Variants in SRGAP3 observed in about 807,000 individuals in gnomAD.
SRGAP3 encodes the protein SLIT-ROBO Rho GTPase-activating protein 3.
Under a neutral mutation model 121.1 loss-of-function variants are expected in SRGAP3, and 39 were observed. The observed-to-expected ratio is 0.32, with a 90% CI of 0.25 to 0.42. SRGAP3 has a LOEUF of 0.42. Ranked by LOEUF, SRGAP3 falls within the 10% of genes least tolerant of loss-of-function variation. The pLI is 1.00. For synonymous variants in SRGAP3, 601 were observed against 570.0 expected, an observed-to-expected ratio of 1.05 and a Z score of -0.77; for missense variants, 1,213 against 1,470.6, an observed-to-expected ratio of 0.82 and a Z score of 2.86.
chr3:9,081,776 G>A (rs1947255080), intron 3 of SRGAP3, among the ~76,000 whole-genome samples: 1 of 152,308 alleles, frequency 6.6e-6, no homozygotes, highest in South Asian at 2.1e-4. Flanking sequence ...GCAGCTTGAA[G>A]AGTCTAGAAT....
At chr3:9,204,565 A>G (rs1234876460) in intron 1 of SRGAP3, among the ~76,000 whole-genome samples, 2 of 152,228 alleles carry the variant, frequency 1.3e-5, no homozygotes, top group African/African-American at 4.8e-5. Context: ...GCTTTCTCCT[A>G]GCTGCAAAAC....
rs781470063 is a variant in SRGAP3 at position 8,990,590 on chromosome 3, C to T, written c.2808G>A (p.Ser936=). The part of the protein sequence containing the change: ...PDKKALSEGH[S]MRSTCGSTRH... ...TGGTGGAACCGCAGGTCGACCTCAT[C>T]GAGTGCCCTTCGGAGAGCGCCTTCT... Residue 936 remains serine, a synonymous_variant, in exon 21 of 22, where the codon TCG becomes TCA. Transcript: ENST00000383836. 18 of 1,600,416 alleles carry T rather than the reference C, an allele frequency of 1.1e-5. No individual in the cohort carries two copies. In the South Asian group the frequency reaches 1.2e-4, roughly 11 times the overall value.
At chr3:9,089,308 G>GGGGGGGGC (rs1560120751) in intron 3 of SRGAP3, among the ~76,000 whole-genome samples, 1 of 40,196 alleles carries the variant, frequency 2.5e-5, no homozygotes, top group African/African-American at 7.3e-5. Flanking sequence ...GGGGGGGGGG[G>GGGGGGGGC]CTGGAGGCTC....
At position 8,984,121 on chromosome 3, in the gene SRGAP3, G is replaced by C. The variant is rs1574842549; in HGVS notation, c.*1398C>G. Reference sequence around the variant, plus strand: ...AGGCAAAGGCCTGGCTGTCACACGTGAAGATCATGCACCCATTTCTATCAC... The same window carrying C: ...AGGCAAAGGCCTGGCTGTCACACGTCAAGATCATGCACCCATTTCTATCAC... On this transcript the variant is annotated 3_prime_UTR_variant, in exon 22 of 22. Transcript: ENST00000383836. The C allele has an allele frequency of 8.6e-6, 2 of 231,770 alleles. No individual in the cohort carries two copies. The highest frequency in any genetic ancestry group is 1.7e-5 in the Non-Finnish European group (2 of 117,184). 14.4% of individuals were successfully genotyped at this position (231,770 alleles called of 1,614,324 possible). A position where few individuals can be genotyped will look rare whatever the true frequency, so the allele number is the denominator to read the frequency against.
At chr3:9,017,444 C>T (rs1943693331) in intron 14 of SRGAP3, among the ~76,000 whole-genome samples, 1 of 152,168 alleles carries the variant, frequency 6.6e-6, no homozygotes, top group South Asian at 2.1e-4. Flanking sequence ...AATAAACCTG[C>T]TACACACAAC....
chr3:9,346,319 A>G (rs1405227209), intron 1 of SRGAP3, among the ~76,000 whole-genome samples: 1 of 152,134 alleles, frequency 6.6e-6, no homozygotes, highest in Non-Finnish European at 1.5e-5. Context: ...ATCATAGCTC[A>G]CTGCACCTTG....
intron 3 of SRGAP3, among the ~76,000 whole-genome samples, chr3:9,281,407 AT>A (rs995027544): frequency 3.3e-5 from 5 of 152,118 alleles, no homozygotes; most frequent in African/African-American, 1.2e-4. Flanking sequence ...GAATCAGGAG[AT>A]AATGTGGACT....
At chr3:9,274,081 T>C (rs1954528495) in intron 3 of SRGAP3, among the ~76,000 whole-genome samples, 1 of 152,188 alleles carries the variant, frequency 6.6e-6, no homozygotes, top group African/African-American at 2.4e-5. Flanking sequence ...TTTACACTTC[T>C]TGAGAGCAGA....
At chr3:9,049,713 T>C (rs941446855) in intron 9 of SRGAP3, among the ~76,000 whole-genome samples, 7 of 151,856 alleles carry the variant, frequency 4.6e-5, no homozygotes, top group Non-Finnish European at 7.4e-5. Flanking sequence ...GAGGAACCAG[T>C]GAGGCCCAGA....
At position 9,342,636 on chromosome 3, in the gene SRGAP3, G is replaced by A. The variant is rs568704596; in HGVS notation, n.215-12040C>T. ...GGGTGGGCCTGATGCCAGTGAAGAGGTAGTAAGAAAAGAAAACACATCAAC... is the reference window on the plus strand; with the variant it reads ...GGGTGGGCCTGATGCCAGTGAAGAGATAGTAAGAAAAGAAAACACATCAAC... On this transcript the variant is annotated intron_variant and non_coding_transcript_variant, in intron 1 of 3. Coordinates refer to the SRGAP3 transcript ENST00000490889. 2.0e-5 allele frequency among the ~76,000 whole-genome samples: 3 copies of A among 152,346 alleles called. No homozygotes were observed. In the East Asian group the frequency reaches 5.8e-4, roughly 29 times the overall value.
At chr3:9,237,572 CA>C (rs1429049338) in intron 1 of SRGAP3, among the ~76,000 whole-genome samples, 2 of 152,158 alleles carry the variant, frequency 1.3e-5, no homozygotes, top group African/African-American at 4.8e-5. Context: ...CATGCAACCT[CA>C]AAGCAGAATA....
In SRGAP3 at chr3:8,983,730, T is replaced by C. The variant is rs1941541267; in HGVS notation, c.*1789A>G. 1.3e-5 allele frequency: 3 copies of C among 230,704 alleles called. No individual in the cohort carries two copies. The highest frequency in any genetic ancestry group is 1.1e-4 in the Admixed American group (2 of 17,696). The allele number at this position is 230,704 out of a possible 1,614,324, so 14.3% of individuals were successfully genotyped here. A position where few individuals can be genotyped will look rare whatever the true frequency, so the allele number is the denominator to read the frequency against. ...AACGCATTGTATTGATTCAGTGTTT[T>C]CCAGTGTACACAGCTTGCTCACTGA... On this transcript the variant is annotated 3_prime_UTR_variant, in exon 22 of 22. Transcript: ENST00000383836.
At chr3:9,005,881 C>A (rs2125001414) in intron 18 of SRGAP3, among the ~76,000 whole-genome samples, 1 of 152,200 alleles carries the variant, frequency 6.6e-6, no homozygotes, top group African/African-American at 2.4e-5. Context: ...TCTGTGAATA[C>A]ACAAAAAAAT....
chr3:9,278,695 G>C (rs1954626426), intron 3 of SRGAP3, among the ~76,000 whole-genome samples: 1 of 152,152 alleles, frequency 6.6e-6, no homozygotes, highest in African/African-American at 2.4e-5. Flanking sequence ...ACAGCAGCCG[G>C]GTATCCTGGG....
intron 1 of SRGAP3, among the ~76,000 whole-genome samples, chr3:9,169,199 A>G (rs1374607055): frequency 6.6e-6 from 1 of 152,276 alleles, no homozygotes; most frequent in African/African-American, 2.4e-5. Context: ...AGCATGAAAT[A>G]AAATAATGCA....
chr3:9,097,137 T>G, intron 3 of SRGAP3, among the ~76,000 whole-genome samples: 1 of 151,064 alleles, frequency 6.6e-6, no homozygotes, highest in East Asian at 2.0e-4. Flanking sequence ...ACTACAGGCA[T>G]GAACCACCAC....
intron 1 of SRGAP3, among the ~76,000 whole-genome samples, chr3:9,213,857 G>C (rs1295919863): frequency 6.6e-6 from 1 of 152,000 alleles, no homozygotes; most frequent in Non-Finnish European, 1.5e-5. Context: ...CCCTAAGCTT[G>C]TTGTTCCCAC....
At chr3:8,993,692 T>C (rs1942210134) in intron 19 of SRGAP3, among the ~76,000 whole-genome samples, 1 of 152,092 alleles carries the variant, frequency 6.6e-6, no homozygotes. Context: ...TGAGACCCCC[T>C]CTCTCCCATC....
In SRGAP3 at chr3:9,218,539, C is replaced by G. The variant is rs1952705153; in HGVS notation, c.67+30346G>C. The G allele has an allele frequency of 6.6e-6, 1 of 152,232 alleles. No homozygotes were observed. The highest frequency in any genetic ancestry group is 1.5e-5 in the Non-Finnish European group (1 of 68,042). The allele number at this position is 152,232 out of a possible 1,614,324, so 9.4% of individuals were successfully genotyped here. On this transcript the variant is annotated intron_variant, in intron 1 of 21. Transcript: ENST00000383836. This position sits in a 1 kb window ranked among gnomAD's most constrained non-coding sequence, Gnocchi z 5.3. ...CGCCAGCTGTCACTGCAATCCAGCACAGTTGGCACATCAGGTAGAAACTAT... is the reference window on the plus strand; with the variant it reads ...CGCCAGCTGTCACTGCAATCCAGCAGAGTTGGCACATCAGGTAGAAACTAT...
Sources: allele counts gnomAD v4.1 joint callset (sites outside exome capture counted in the v4.1 genomes callset), GRCh38; gene constraint gnomAD v4.1.1; non-coding constraint Gnocchi (gnomAD v3.1); transcripts MANE v1.5; gene names NCBI Gene and HGNC (gene_info 2026-07-23, HGNC 2026-07-21).